Variants in USP24 observed in about 807,000 individuals in gnomAD.
USP24 encodes the protein ubiquitin specific peptidase 24.
A neutral mutation model predicts 361.6 loss-of-function variants in USP24; 97 were observed. The ratio of observed to expected loss-of-function variants is 0.27; its 90% confidence interval spans 0.23 to 0.32. USP24 has a LOEUF of 0.32. Among genes scored for constraint, USP24 ranks in the 10% least tolerant of loss-of-function variants. The pLI is 1.00. For synonymous variants in USP24, 1,098 were observed against 1,124.6 expected (o/e 0.98, Z 0.47); for missense variants, 2,353 against 3,165.6 (o/e 0.74, Z 6.16).
chr1:55,066,783 ATTGAG>A lies in USP24; in HGVS notation c.*2257_*2261del, dbSNP rs1057053325. 4 of 152,224 alleles carry A rather than the reference ATTGAG, an allele frequency of 2.6e-5. No homozygotes were observed. Among genetic ancestry groups the A allele is most frequent in the African/African-American group, 7.2e-5 (3 of 41,450 alleles). 9.4% of individuals were successfully genotyped at this position (152,224 alleles called of 1,614,324 possible). A position where few individuals can be genotyped will look rare whatever the true frequency, so the allele number is the denominator to read the frequency against. ...GAGCTTCTTGAGAACACACAGCATT[ATTGAG>A]TTAATTGTGCAATTCCTGCTCTGTT... On this transcript the variant is annotated 3_prime_UTR_variant, in exon 68 of 68. Coordinates refer to ENST00000294383, the MANE Select transcript of USP24 (RefSeq NM_015306.3).
chr1:55,149,930 A>G (rs180985396), intron 16 of USP24, among the ~76,000 whole-genome samples: 1 of 152,352 alleles, frequency 6.6e-6, no homozygotes, highest in Non-Finnish European at 1.5e-5. Context: ...CAATTAAAAT[A>G]AAACAGTCAG....
At position 55,123,535 on chromosome 1, in the gene USP24, T is replaced by C; in HGVS notation, c.4188A>G (p.Gln1396=). Residue 1396 remains glutamine (Q), a synonymous_variant, in exon 36 of 68, where the codon CAA becomes CAG. Transcript: ENST00000294383. The stretch of plus-strand genomic sequence containing the variant: ...GCGAGTCTTTGGTGGATACAGACTG[T>C]TGTCGAACACAGATTCCCGCATGCA... ...VALHAGICVR[Q]QSVSTKDSLI... The C allele has an allele frequency of 1.2e-6, 2 of 1,602,938 alleles. No homozygotes were observed. The highest frequency in any genetic ancestry group is 1.7e-6 in the Non-Finnish European group (2 of 1,174,740).
rs78988364 is a variant in USP24 at position 55,105,972 on chromosome 1, T to C, written c.4880+174A>G. Among the ~76,000 whole-genome samples, 512 of 152,338 alleles carry C rather than the reference T, an allele frequency of 3.4e-3. 4 individuals are homozygous for C. Among genetic ancestry groups the C allele is most frequent in the African/African-American group, 0.012 (498 of 41,572 alleles). On this transcript the variant is annotated intron_variant, in intron 41 of 67. Coordinates refer to ENST00000294383, the MANE Select transcript of USP24 (RefSeq NM_015306.3). ...GCACACTTGCTCCGTGCTTACTATG[T>C]GCCAGGCAGGCTTTATGCTAAGCCG...
At chr1:55,157,930 T>A (rs1647855727) in intron 10 of USP24, among the ~76,000 whole-genome samples, 1 of 151,450 alleles carries the variant, frequency 6.6e-6, no homozygotes, top group African/African-American at 2.4e-5. Context: ...AACCCAAACC[T>A]CAATCAGGCA....
intron 59 of USP24, 103 bp downstream of exon 59, chr1:55,081,219 T>C (rs1645142357): frequency 1.7e-6 from 2 of 1,180,208 alleles, no homozygotes; most frequent in Admixed American, 2.2e-5. Flanking sequence ...AACTAGCAAG[T>C]AGTCGAATGA....
chr1:55,120,500 T>G, intron 38 of USP24, 96 bp downstream of exon 38: 1 of 1,333,552 alleles, frequency 7.5e-7, no homozygotes, highest in Non-Finnish European at 9.9e-7. Context: ...ATTCTAGTCA[T>G]CTCAATAATG....
At position 55,121,128 on chromosome 1, in the gene USP24, C is replaced by T. The variant is rs980339827; in HGVS notation, c.4347+308G>A. 2.6e-4 allele frequency among the ~76,000 whole-genome samples: 40 copies of T among 152,174 alleles called. 1 individual carries two copies. The highest frequency in any genetic ancestry group is 2.5e-3 in the Admixed American group (38 of 15,276). On this transcript the variant is annotated intron_variant, in intron 37 of 67. Transcript: ENST00000294383. ...GATCTTTCCTGATTCTGACCAACAA[C>T]GTGGATGCTTAGTGCCAGCTGCCCT...
intron 62 of USP24, among the ~76,000 whole-genome samples, chr1:55,076,857 A>G (rs1394367821): frequency 1.3e-5 from 2 of 152,234 alleles, no homozygotes; most frequent in Non-Finnish European, 2.9e-5. Context: ...TTGATAAACT[A>G]TAAAGCCAGA....
At chr1:55,167,692 C>T (rs1475870100) in intron 5 of USP24, among the ~76,000 whole-genome samples, 2 of 151,908 alleles carry the variant, frequency 1.3e-5, no homozygotes, top group African/African-American at 4.8e-5. Flanking sequence ...CAGAAGGCGC[C>T]GAGAGAGGTC....
At chr1:55,188,681 G>A (rs1047833383) in intron 1 of USP24, among the ~76,000 whole-genome samples, 4 of 151,968 alleles carry the variant, frequency 2.6e-5, no homozygotes, top group Admixed American at 6.6e-5. Flanking sequence ...GAAAGAAGCC[G>A]GGCATGGTGG....
Position 55,172,532 on chromosome 1 carries a change from T to C in USP24, c.559-12A>G, listed in dbSNP as rs1192239620. On this transcript the variant is annotated splice_polypyrimidine_tract_variant and intron_variant, in intron 3 of 67. Coordinates refer to ENST00000294383, the MANE Select transcript of USP24 (RefSeq NM_015306.3). ...CTTGATGTCAGGAGCTATAAAAACA[T>C]AAAGGGCAATCTAGAGTCTAACTTG... 6 of 1,606,472 alleles carry C rather than the reference T, an allele frequency of 3.7e-6. No homozygotes were observed. Among genetic ancestry groups the C allele is most frequent in the South Asian group, 1.1e-5 (1 of 89,486 alleles).
At chr1:55,175,896 T>C (rs1557671528) in intron 3 of USP24, among the ~76,000 whole-genome samples, 1 of 152,220 alleles carries the variant, frequency 6.6e-6, no homozygotes, top group Non-Finnish European at 1.5e-5. Flanking sequence ...CTAATAGAGA[T>C]GGTGCCTTAT....
chr1:55,090,287 A>C (rs1164901310), intron 54 of USP24, among the ~76,000 whole-genome samples: 1 of 152,206 alleles, frequency 6.6e-6, no homozygotes, highest in African/African-American at 2.4e-5. Context: ...TCATTGTGTA[A>C]AATGGCCATA....
chr1:55,184,696 C>T (rs890981594), intron 1 of USP24, among the ~76,000 whole-genome samples: 14 of 152,064 alleles, frequency 9.2e-5, no homozygotes, highest in African/African-American at 3.1e-4. Flanking sequence ...TAAAACAGGC[C>T]TCAACAATTT....
In USP24 at chr1:55,196,406, C is replaced by T. The variant is rs112923876; in HGVS notation, c.325-18274G>A. Reference sequence around the variant, plus strand: ...CATCTTTTTCTTAACCATCCTATCCCCCACGAAATTAAATACTAAGAATTG... The same window carrying T: ...CATCTTTTTCTTAACCATCCTATCCTCCACGAAATTAAATACTAAGAATTG... On this transcript the variant is annotated intron_variant, in intron 1 of 67. Transcript: ENST00000294383. Among the ~76,000 whole-genome samples, 600 of 152,248 alleles carry T rather than the reference C, an allele frequency of 3.9e-3. 2 individuals are homozygous for T. Among genetic ancestry groups the T allele is most frequent in the African/African-American group, 0.014 (567 of 41,528 alleles).
intron 7 of USP24, among the ~76,000 whole-genome samples, chr1:55,163,521 A>G (rs1259574832): frequency 1.3e-5 from 2 of 152,074 alleles, no homozygotes; most frequent in Non-Finnish European, 2.9e-5. Context: ...CAAGTTCACA[A>G]GAAATCAGAG....
chr1:55,095,372 C>T lies in USP24; in HGVS notation c.6086G>A (p.Arg2029Gln), dbSNP rs775319928. 3.7e-6 allele frequency: 6 copies of T among 1,612,674 alleles called. No homozygotes were observed. Among genetic ancestry groups the T allele is most frequent in the South Asian group, 1.1e-5 (1 of 90,798 alleles). ...DQTNPYTDVR[R>Q]RYWNAYMLFY... is the part of the protein sequence containing the mutation. The stretch of plus-strand genomic sequence containing the variant: ...AAGCATATAGGCATTCCAGTATCTT[C>T]GGCGCACATCAGTGTATGGGTTTGC... Residue 2029 changes from arginine (R) to glutamine (Q), a missense_variant, in exon 51 of 68, where the codon CGA becomes CAA. Physicochemically the swap from Arg to Gln is conservative, Grantham distance 43 (BLOSUM62 1). Coordinates refer to ENST00000294383, the MANE Select transcript of USP24 (RefSeq NM_015306.3).
intron 1 of USP24, among the ~76,000 whole-genome samples, chr1:55,200,013 T>C (rs539633897): frequency 2.6e-5 from 4 of 152,300 alleles, no homozygotes; most frequent in Non-Finnish European, 4.4e-5. Context: ...CATCAGATCT[T>C]GTGAGACTTA....
rs1644865255 is a variant in USP24, at chr1:55,068,920, C to T, written c.*125G>A. 1 of 1,040,412 alleles carries T rather than the reference C, an allele frequency of 9.6e-7. No homozygotes were observed. The highest frequency in any genetic ancestry group is 1.6e-5 in the African/African-American group (1 of 62,698). 64.4% of individuals were successfully genotyped at this position (1,040,412 alleles called of 1,614,324 possible). On this transcript the variant is annotated 3_prime_UTR_variant, in exon 68 of 68. Transcript: ENST00000294383. ...TTTCCTTGAGAAATACACGATCCGC[C>T]CAAGTCACAGCAGCTTTCCCAGTCC... is the stretch of plus-strand genomic sequence containing the variant.
Sources: gnomAD v4.1 joint callset for allele counts (sites outside exome capture counted in the v4.1 genomes callset) on GRCh38, gnomAD v4.1.1 for gene constraint, MANE v1.5 for transcripts, NCBI Gene and HGNC (gene_info 2026-07-23, HGNC 2026-07-21) for gene names.